Variants in HYDIN observed in about 807,000 individuals in gnomAD.
HYDIN encodes the protein HYDIN axonemal central pair apparatus protein, also known as axonemal central pair apparatus protein HYDIN.
Under a neutral mutation model 403.9 loss-of-function variants are expected in HYDIN, and 132 were observed. The ratio of observed to expected loss-of-function variants is 0.33; its 90% CI spans 0.28 to 0.38. The LOEUF is 0.38. Ranked by LOEUF, HYDIN falls within the 10% of genes least tolerant of loss-of-function variation. The pLI, the probability that HYDIN is intolerant of heterozygous loss-of-function variation, is 1.00. For missense variants in HYDIN, 2,827 were observed against 5,009.5 expected (o/e 0.56, Z 13.15); for synonymous variants, 1,202 against 1,891.7 (o/e 0.64, Z 9.46).
At chr16:71,114,178 C>G (rs1210646765) in intron 10 of HYDIN, among the ~76,000 whole-genome samples, 1 of 152,138 alleles carries the variant, frequency 6.6e-6, no homozygotes. Context: ...TGTTTTGAGA[C>G]TATTCCATGT....
chr16:71,106,752 T>C (rs2083631822), intron 10 of HYDIN, among the ~76,000 whole-genome samples: 1 of 150,786 alleles, frequency 6.6e-6, no homozygotes, highest in African/African-American at 2.4e-5. Flanking sequence ...AGATGAGACA[T>C]GTAGGCTCAT....
intron 60 of HYDIN, among the ~76,000 whole-genome samples, chr16:70,881,955 T>G (rs1010067937): frequency 3.9e-5 from 6 of 152,382 alleles, no homozygotes; most frequent in African/African-American, 1.4e-4. Flanking sequence ...CTTGGTATCC[T>G]GAATTTTCTG....
rs369438771 is a variant in HYDIN at position 70,920,680 on chromosome 16, C to T, written c.7696G>A (p.Val2566Ile). 92 of 1,612,752 alleles carry T rather than the reference C, an allele frequency of 5.7e-5. No individual in the cohort carries two copies. Among genetic ancestry groups the T allele is most frequent in the South Asian group, 2.0e-4 (18 of 90,690 alleles). The change falls in exon 46 of 86, where the codon GTA becomes ATA. Residue 2566 changes from valine to isoleucine, a missense_variant. Transcript: ENST00000393567. ...HEGKKEKDLGVPFLDIQTPDF... is the reference protein window; with the variant it reads ...HEGKKEKDLGIPFLDIQTPDF... ...GGTGTCTGGATGTCTAGGAAGGGTACGCCCAGGTCCTTCTCCTTCTTCCCT... is the reference window on the plus strand; with the variant it reads ...GGTGTCTGGATGTCTAGGAAGGGTATGCCCAGGTCCTTCTCCTTCTTCCCT...
intron 84 of HYDIN, among the ~76,000 whole-genome samples, chr16:70,817,875 G>C (rs999233299): frequency 1.3e-5 from 2 of 152,012 alleles, no homozygotes; most frequent in African/African-American, 4.8e-5. Flanking sequence ...CCGAGTAGCT[G>C]GGATTACAGG....
At chr16:71,200,304 G>A (rs2087929681) in intron 1 of HYDIN, among the ~76,000 whole-genome samples, 1 of 152,122 alleles carries the variant, frequency 6.6e-6, no homozygotes, top group Non-Finnish European at 1.5e-5. Context: ...CTTGCTTTCA[G>A]TTTACTCTAT....
intron 71 of HYDIN, 28 bp downstream of exon 71, chr16:70,860,039 TG>T (rs2039308387): frequency 6.3e-7 from 1 of 1,585,972 alleles, no homozygotes; most frequent in South Asian, 1.1e-5. Flanking sequence ...ATCTAAGCCT[TG>T]GGTTGAGTGG....
At chr16:71,158,849 TTTTTTTG>T (rs2144595699) in intron 6 of HYDIN, among the ~76,000 whole-genome samples, 1 of 147,774 alleles carries the variant, frequency 6.8e-6, no homozygotes, top group South Asian at 2.2e-4. Flanking sequence ...ACCCAGCTTA[TTTTTTTG>T]TTTTTTGTAT....
At position 71,101,835 on chromosome 16, in the gene HYDIN, C is replaced by T. The variant is rs534953602; in HGVS notation, c.1328-7900G>A. On this transcript the variant is annotated intron_variant, in intron 10 of 85. Coordinates refer to ENST00000393567, the MANE Select transcript of HYDIN (RefSeq NM_001270974.2). ...TCCTGTATGTCCTGGAGTTGCCACT[C>T]CTGGGGATATATCCTAGAAAAATTT... 3.1e-3 allele frequency among the ~76,000 whole-genome samples: 465 copies of T among 152,154 alleles called. 3 individuals carry two copies. Among genetic ancestry groups the T allele is most frequent in the African/African-American group, 0.011 (442 of 41,530 alleles).
At chr16:70,839,595 A>G (rs944843442) in intron 76 of HYDIN, among the ~76,000 whole-genome samples, 74 of 151,666 alleles carry the variant, frequency 4.9e-4, no homozygotes, top group Admixed American at 9.9e-4. Flanking sequence ...CAGCCCTTGG[A>G]GATTCTATCT....
intron 76 of HYDIN, among the ~76,000 whole-genome samples, chr16:70,838,116 C>T (rs1218365769): frequency 6.6e-6 from 1 of 152,128 alleles, no homozygotes; most frequent in East Asian, 1.9e-4. Context: ...CCTGGCTGAA[C>T]TGGGTTTCAA....
chr16:70,852,895 C>G (rs960529062), intron 73 of HYDIN: 1 of 151,988 alleles, frequency 6.6e-6, no homozygotes, highest in African/African-American at 2.4e-5. Flanking sequence ...AAATTGTTGC[C>G]GGTTGCAGAG....
At chr16:71,154,367 G>C (rs923183785) in intron 6 of HYDIN, among the ~76,000 whole-genome samples, 1 of 134,968 alleles carries the variant, frequency 7.4e-6, no homozygotes, top group Non-Finnish European at 1.6e-5. Flanking sequence ...CCATCATGGA[G>C]AATGCATATC....
Position 71,179,042 on chromosome 16 carries a change from T to C in HYDIN, c.267A>G (p.Ser89=). ...DMGETTHQKF[S]GIDLDQALFQ... is the part of the protein sequence containing the mutation. ...ATAATGCCTGATCCAGGTCAATTCCTGAAAACTTCAGTTGAAAGAGTAAAT... is the reference window on the plus strand; with the variant it reads ...ATAATGCCTGATCCAGGTCAATTCCCGAAAACTTCAGTTGAAAGAGTAAAT... The change falls in exon 4 of 86, where the codon TCA becomes TCG. Residue 89 remains serine (S), a synonymous_variant. Transcript: ENST00000393567. 1 of 1,606,752 alleles carries C rather than the reference T, an allele frequency of 6.2e-7. No homozygotes were observed. Among genetic ancestry groups the C allele is most frequent in the Non-Finnish European group, 8.5e-7 (1 of 1,177,102 alleles).
intron 56 of HYDIN, 34 bp downstream of exon 56, chr16:70,892,327 A>G: frequency 6.4e-7 from 1 of 1,565,498 alleles, no homozygotes. Flanking sequence ...CGATCCTGCC[A>G]TTGAGGCAGC....
chr16:70,962,196 G>C, intron 37 of HYDIN, 58 bp from the exon 38 acceptor site: 1 of 756,560 alleles, frequency 1.3e-6, no homozygotes. Flanking sequence ...GGACAAGGGA[G>C]ATGGAGGCAG....
intron 21 of HYDIN, among the ~76,000 whole-genome samples, chr16:71,024,094 C>T (rs1290927857): frequency 2.0e-5 from 3 of 152,214 alleles, no homozygotes; most frequent in Non-Finnish European, 4.4e-5. Flanking sequence ...CATGATAGAC[C>T]TTAATAAACA....
chr16:70,818,210 C>T (rs544253171), intron 84 of HYDIN, 132 bp downstream of exon 84: 77 of 602,342 alleles, frequency 1.3e-4, no homozygotes, highest in African/African-American at 1.1e-3. Context: ...GTGATTGTCC[C>T]GTCCTCTGCC....
In HYDIN at chr16:70,807,379, T is replaced by A; in HGVS notation, c.*201A>T. 1.8e-6 allele frequency: 1 copy of A among 567,028 alleles called. No individual in the cohort carries two copies. The highest frequency in any genetic ancestry group is 3.0e-6 in the Non-Finnish European group (1 of 334,352). 35.1% of individuals were successfully genotyped at this position (567,028 alleles called of 1,614,324 possible). A position where few individuals can be genotyped will look rare whatever the true frequency, so the allele number is the denominator to read the frequency against. Reference sequence around the variant, plus strand: ...GATTCAGTTGTCTAAAATATAGAGCTGTTGTGTGTAGTTATAATGTTTAAT... The same window carrying A: ...GATTCAGTTGTCTAAAATATAGAGCAGTTGTGTGTAGTTATAATGTTTAAT... On this transcript the variant is annotated 3_prime_UTR_variant, in exon 86 of 86. Transcript: ENST00000393567.
chr16:71,217,607 T>G (rs1264544685), intron 1 of HYDIN, among the ~76,000 whole-genome samples: 1 of 152,206 alleles, frequency 6.6e-6, no homozygotes, highest in South Asian at 2.1e-4. Context: ...AAGTTGAACC[T>G]GACCTATGGA....
Sources: allele counts gnomAD v4.1 joint callset (sites outside exome capture counted in the v4.1 genomes callset), GRCh38; gene constraint gnomAD v4.1.1; transcripts MANE v1.5; gene names NCBI Gene and HGNC (gene_info 2026-07-23, HGNC 2026-07-21).